The following DGKK variants were observed in gnomAD, a reference collection of about 807,000 sequenced individuals.
The protein encoded by DGKK is diacylglycerol kinase kappa.
In DGKK, 35 loss-of-function variants were observed where a neutral mutation model predicts 92.2. The observed-to-expected ratio is 0.38, with a 90% confidence interval of 0.29 to 0.50. The LOEUF (loss-of-function observed/expected upper bound fraction) is 0.50, where lower values mean the gene tolerates loss of function less well. Ranked by LOEUF, DGKK falls within the 20% of genes least tolerant of loss-of-function variation. The pLI is 0.92. For missense variants in DGKK, 910 were observed against 992.2 expected (o/e 0.92, Z 1.11); for synonymous variants, 368 against 360.6 (o/e 1.02, Z -0.23).
At chrX:50,393,393 G>T in intron 8 of DGKK, 58 bp from the exon 9 acceptor site, 1 of 978,817 alleles carries the variant, frequency 1.0e-6, no homozygotes, top group Non-Finnish European at 1.4e-6. Flanking sequence ...AGATGGAAAC[G>T]AGACATGACT....
intron 11 of DGKK, among the ~76,000 whole-genome samples, chrX:50,390,882 C>T (rs782200366): frequency 8.9e-6 from 1 of 111,834 alleles, no homozygotes; most frequent in African/African-American, 3.2e-5. Flanking sequence ...AGTACTTGCT[C>T]TTCTCTAGAG....
rs782351822 is a variant in DGKK at position 50,452,340 on chromosome X, A to C, written c.645+17694T>G. 5.2e-4 allele frequency among the ~76,000 whole-genome samples: 58 copies of C among 112,238 alleles called. 1 individual carries two copies. Among genetic ancestry groups the C allele is most frequent in the Non-Finnish European group, 9.2e-4 (49 of 53,215 alleles). On this transcript the variant is annotated intron_variant, in intron 1 of 27. Transcript: ENST00000611977. ...AAGGACATTAAGGCATAGGACAGAG[A>C]AGTATTATTCCAAAGAGTCTAAAAC...
intron 4 of DGKK, among the ~76,000 whole-genome samples, chrX:50,412,354 G>T (rs986194407): frequency 8.9e-6 from 1 of 112,176 alleles, no homozygotes. Context: ...TGGATTGGAA[G>T]AATTAATTTT....
intron 1 of DGKK, among the ~76,000 whole-genome samples, chrX:50,460,404 A>C (rs4554617): frequency 0.44 from 48,431 of 110,090 alleles, 9,329 homozygotes; most frequent in African/African-American, 0.74. Flanking sequence ...AGTCCTCAGA[A>C]CTACTGCCTC....
rs369292521 is a variant in DGKK, at chrX:50,388,625, G to A, written c.1927-7C>T. The A allele has an allele frequency of 8.5e-7, 1 of 1,177,478 alleles. No homozygotes were observed. Among genetic ancestry groups the A allele is most frequent in the South Asian group, 1.8e-5 (1 of 54,201 alleles). ...AGTGTTGGATGGCAGCAGCCTAGGG[G>A]CAAAAGGAGTTCTTAGCCCTGGAAT... On this transcript the variant is annotated splice_region_variant and splice_polypyrimidine_tract_variant and intron_variant, in intron 12 of 27. Transcript: ENST00000611977.
intron 1 of DGKK, among the ~76,000 whole-genome samples, chrX:50,460,828 T>C (rs1602306876): frequency 9.0e-6 from 1 of 111,560 alleles, no homozygotes; most frequent in East Asian, 2.8e-4. Flanking sequence ...TTATTTCCCT[T>C]CTGGGTATGG....
At chrX:50,377,483 G>C (rs1924303908) in intron 22 of DGKK, among the ~76,000 whole-genome samples, 2 of 112,241 alleles carry the variant, frequency 1.8e-5, no homozygotes, top group African/African-American at 6.5e-5. Context: ...AAAATGCCTA[G>C]CACAGAATAG....
At chrX:50,444,530 G>C (rs1926242150) in intron 1 of DGKK, among the ~76,000 whole-genome samples, 1 of 111,329 alleles carries the variant, frequency 9.0e-6, no homozygotes, top group African/African-American at 3.3e-5. Context: ...ACTTATAAGT[G>C]AGAACATGCA....
Position 50,470,572 on chromosome X carries a change from G to A in DGKK, c.107C>T (p.Pro36Leu). 8.3e-7 allele frequency: 1 copy of A among 1,203,494 alleles called. No homozygotes were observed. Among genetic ancestry groups the A allele is most frequent in the East Asian group, 3.0e-5 (1 of 33,763 alleles). ...PPPPWPPPPPPPAPPPAPPLL... is the reference protein window; with the variant it reads ...PPPPWPPPPPLPAPPPAPPLL... ...CGGCGGAGCCGGCGGCGGAGCCGGT[G>A]GTGGTGGCGGCGGCGGCCAAGGCGG... is the stretch of plus-strand genomic sequence containing the variant. The change falls in exon 1 of 28, where the codon CCA becomes CTA. Residue 36 changes from proline (P) to leucine (L), a missense_variant. By Grantham distance (98) the Pro-to-Leu change is moderately conservative. Coordinates refer to ENST00000611977, the MANE Select transcript of DGKK (RefSeq NM_001013742.4).
chrX:50,439,186 G>A (rs1934179), intron 1 of DGKK, among the ~76,000 whole-genome samples: 49,910 of 110,289 alleles, frequency 0.45, 9,710 homozygotes, highest in African/African-American at 0.76. Flanking sequence ...GGCTCCTAAA[G>A]GCCAGTCACT....
Position 50,392,360 on chromosome X carries a change from G to T in DGKK, c.1685C>A (p.Ala562Asp), listed in dbSNP as rs782670246. ...SVSWVLSLID[A>D]FGLHEKCQLA... Reference sequence around the variant, plus strand: ...ACTTACCTTTTCATGTAATCCAAAGGCATCAATCAGAGATAAGACCCAGCT... The same window carrying T: ...ACTTACCTTTTCATGTAATCCAAAGTCATCAATCAGAGATAAGACCCAGCT... Residue 562 changes from alanine to aspartate, a missense_variant, in exon 10 of 28, where the codon GCC (alanine) becomes GAC (aspartate). Ala to Asp is a moderately radical substitution (Grantham distance 126). Coordinates refer to ENST00000611977, the MANE Select transcript of DGKK (RefSeq NM_001013742.4). The T allele has an allele frequency of 9.9e-6, 12 of 1,206,262 alleles. No individual in the cohort carries two copies. Among genetic ancestry groups the T allele is most frequent in the Non-Finnish European group, 1.1e-6 (1 of 891,272 alleles).
intron 25 of DGKK, among the ~76,000 whole-genome samples, chrX:50,373,007 A>C (rs1266787580): frequency 8.9e-6 from 1 of 112,032 alleles, no homozygotes; most frequent in Non-Finnish European, 1.9e-5. Flanking sequence ...CAGGGTAGGA[A>C]GTTATGGTCA....
intron 26 of DGKK, 112 bp from the exon 27 acceptor site, chrX:50,370,661 T>A (rs894897195): frequency 6.2e-5 from 53 of 856,011 alleles, no homozygotes; most frequent in Non-Finnish European, 7.5e-5. Flanking sequence ...CAGGGAGATC[T>A]GCTCTCTATC....
intron 7 of DGKK, among the ~76,000 whole-genome samples, chrX:50,402,574 C>T (rs973467314): frequency 1.3e-4 from 14 of 111,677 alleles, no homozygotes; most frequent in African/African-American, 4.6e-4. Context: ...CCTTCCTCAT[C>T]TGTAAAATGG....
intron 4 of DGKK, among the ~76,000 whole-genome samples, chrX:50,410,143 A>T (rs1557227745): frequency 8.9e-6 from 1 of 112,287 alleles, no homozygotes; most frequent in Non-Finnish European, 1.9e-5. Flanking sequence ...TGTAGAAAAA[A>T]CTTTGAAACT....
intron 26 of DGKK, 44 bp downstream of exon 26, chrX:50,371,680 G>T (rs1557223210): frequency 3.1e-6 from 3 of 979,768 alleles, no homozygotes; most frequent in Admixed American, 5.0e-5. Flanking sequence ...CACTAAGGAA[G>T]AATCCCTCTT....
intron 2 of DGKK, among the ~76,000 whole-genome samples, chrX:50,422,964 T>C (rs937924892): frequency 4.5e-5 from 5 of 111,946 alleles, no homozygotes; most frequent in Non-Finnish European, 9.4e-5. Flanking sequence ...CTGTGCCTCC[T>C]TATTCACTGG....
chrX:50,423,811 A>T (rs1279665942), intron 2 of DGKK, among the ~76,000 whole-genome samples: 1 of 112,281 alleles, frequency 8.9e-6, no homozygotes, highest in African/African-American at 3.2e-5. Context: ...AGTGAAATTC[A>T]TGCTAATTAT....
At chrX:50,377,656 C>A (rs1162920461) in intron 22 of DGKK, among the ~76,000 whole-genome samples, 1 of 112,085 alleles carries the variant, frequency 8.9e-6, no homozygotes, top group Non-Finnish European at 1.9e-5. Context: ...TGTATTAATG[C>A]AGCATTTTAA....
Sources: gnomAD v4.1 joint callset for allele counts (sites outside exome capture counted in the v4.1 genomes callset) on GRCh38, gnomAD v4.1.1 for gene constraint, MANE v1.5 for transcripts, NCBI Gene and HGNC (gene_info 2026-07-23, HGNC 2026-07-21) for gene names.